Variants in PCDHGB3 observed in about 807,000 individuals in gnomAD.
PCDHGB3 encodes protocadherin gamma-B3.
PCDHGB3 carries 40 observed loss-of-function variants against 59.2 expected under a neutral mutation model. The observed-to-expected ratio is 0.68, with a 90% confidence interval of 0.52 to 0.88. PCDHGB3 has a LOEUF of 0.88. Among genes scored for constraint, PCDHGB3 ranks in the 40% least tolerant of loss-of-function variants. PCDHGB3 has a pLI of 0.00. For missense variants in PCDHGB3, 1,309 were observed against 1,187.9 expected (o/e 1.10, Z -1.50); for synonymous variants, 581 against 503.6 (o/e 1.15, Z -2.06).
At chr5:141,399,609 T>C in intron 1 of PCDHGB3, 2 of 1,613,918 alleles carry the variant, frequency 1.2e-6, no homozygotes, top group Non-Finnish European at 1.7e-6. Flanking sequence ...ACCTAGAGCC[T>C]CTGGCACTGG....
chr5:141,390,404 G>T, intron 1 of PCDHGB3: 1 of 1,262,098 alleles, frequency 7.9e-7, no homozygotes. Flanking sequence ...TTTTAGGAAA[G>T]TTGTAGTCAG....
Position 141,476,658 on chromosome 5 carries a change from C to A in PCDHGB3, c.2416-18149C>A, listed in dbSNP as rs182518072. On this transcript the variant is annotated intron_variant, in intron 1 of 3. Transcript: ENST00000576222. The surrounding 1 kb of genome is among the most constrained non-coding windows in gnomAD (Gnocchi z 7.6). ...GAGCTGAGCCGAAATGAATACTTTGCGCTTCGCGTGCAGACGCGGGAGGAC... is the reference window on the plus strand; with the variant it reads ...GAGCTGAGCCGAAATGAATACTTTGAGCTTCGCGTGCAGACGCGGGAGGAC... 2 of 1,614,244 alleles carry A rather than the reference C, an allele frequency of 1.2e-6. No homozygotes were observed. The highest frequency in any genetic ancestry group is 2.2e-5 in the East Asian group (1 of 44,878).
At chr5:141,399,915 C>T in intron 1 of PCDHGB3, 1 of 1,612,364 alleles carries the variant, frequency 6.2e-7, no homozygotes, top group Non-Finnish European at 8.5e-7. Flanking sequence ...ACTCAGGACA[C>T]AACGCCTGGC....
chr5:141,419,419 C>A (rs767018815), intron 1 of PCDHGB3: 1 of 1,613,384 alleles, frequency 6.2e-7, no homozygotes. Context: ...AGCGCGCCTT[C>A]GACCACGAGC....
intron 1 of PCDHGB3, chr5:141,433,338 T>G (rs2097583623): frequency 3.1e-6 from 2 of 651,932 alleles, no homozygotes; most frequent in South Asian, 4.0e-5. Context: ...GGACTACAGG[T>G]GCAAGCCACC....
At chr5:141,374,527 A>T (rs1429830664) in intron 1 of PCDHGB3, 7 of 1,613,074 alleles carry the variant, frequency 4.3e-6, no homozygotes, top group Non-Finnish European at 5.9e-6. Flanking sequence ...ACGCAGCTCC[A>T]TCCTCTCGTT....
intron 1 of PCDHGB3, among the ~76,000 whole-genome samples, chr5:141,449,339 G>T (rs1307731679): frequency 6.6e-6 from 1 of 151,930 alleles, no homozygotes; most frequent in Non-Finnish European, 1.5e-5. Context: ...AGGTGCAGTG[G>T]CTCACTCCTG....
At chr5:141,446,295 G>A (rs146503397) in intron 1 of PCDHGB3, among the ~76,000 whole-genome samples, 1 of 152,196 alleles carries the variant, frequency 6.6e-6, no homozygotes, top group Non-Finnish European at 1.5e-5. Flanking sequence ...TGGGGAGCAG[G>A]GATTAAGAGT....
intron 1 of PCDHGB3, chr5:141,393,842 T>A (rs1010461527): frequency 1.2e-6 from 2 of 1,613,830 alleles, no homozygotes; most frequent in African/African-American, 2.7e-5. Flanking sequence ...TAAATGACAA[T>A]AGACCAGAAG....
intron 1 of PCDHGB3, chr5:141,394,500 C>A (rs1450931785): frequency 3.7e-6 from 6 of 1,614,124 alleles, no homozygotes; most frequent in Non-Finnish European, 5.1e-6. Context: ...GCCCGAGATC[C>A]TGTACCCCGC....
Position 141,490,004 on chromosome 5 carries a change from C to T in PCDHGB3, c.2416-4803C>T. On this transcript the variant is annotated intron_variant, in intron 1 of 3. Coordinates refer to ENST00000576222, the MANE Select transcript of PCDHGB3 (RefSeq NM_018924.5). This position sits in a 1 kb window ranked among gnomAD's most constrained non-coding sequence, Gnocchi z 5.4. ...CTACGTGTGGGAATCCCAGAGAATG[C>T]ACCCATTGGTACTCTGCTGCTCCGC... The T allele has an allele frequency of 1.9e-6, 3 of 1,614,174 alleles. No individual in the cohort carries two copies. Among genetic ancestry groups the T allele is most frequent in the Non-Finnish European group, 2.5e-6 (3 of 1,179,980 alleles).
rs2099727742 is a variant in PCDHGB3 at position 141,491,740 on chromosome 5, G to C, written c.2416-3067G>C. On this transcript the variant is annotated intron_variant, in intron 1 of 3. Coordinates refer to ENST00000576222, the MANE Select transcript of PCDHGB3 (RefSeq NM_018924.5). The surrounding 1 kb of genome is among the most constrained non-coding windows in gnomAD (Gnocchi z 6.9). Reference sequence around the variant, plus strand: ...GCCGCCCCGGGCGACCCCTGGGGGCGGCACTGGAGAAGCCGCCCGTCCTCA... The same window carrying C: ...GCCGCCCCGGGCGACCCCTGGGGGCCGCACTGGAGAAGCCGCCCGTCCTCA... The C allele has an allele frequency of 6.3e-7, 1 of 1,597,622 alleles. No homozygotes were observed. The highest frequency in any genetic ancestry group is 8.5e-7 in the Non-Finnish European group (1 of 1,173,228).
chr5:141,410,419 TC>T (rs769125626), intron 1 of PCDHGB3: 1 of 1,613,886 alleles, frequency 6.2e-7, no homozygotes, highest in South Asian at 1.1e-5. Flanking sequence ...GACCTGTAGT[TC>T]CCCCCAACTA....
At chr5:141,442,049 C>A in intron 1 of PCDHGB3, 2 of 202,550 alleles carry the variant, frequency 9.9e-6, no homozygotes, top group South Asian at 1.3e-4. Flanking sequence ...GCCTACTGGT[C>A]GCGGTGCACT....
At chr5:141,495,400 C>T (rs554849650) in intron 2 of PCDHGB3, among the ~76,000 whole-genome samples, 4 of 152,278 alleles carry the variant, frequency 2.6e-5, no homozygotes, top group Non-Finnish European at 1.5e-5. Flanking sequence ...ATGGAGCAGG[C>T]CCCCTTCTCC....
chr5:141,422,919 G>C (rs1445179310), intron 1 of PCDHGB3: 9 of 1,614,120 alleles, frequency 5.6e-6, no homozygotes, highest in Non-Finnish European at 6.8e-6. Context: ...CCGAGATCCT[G>C]TACCCTGCCC....
At position 141,486,135 on chromosome 5, in the gene PCDHGB3, G is replaced by A. The variant is rs145871538; in HGVS notation, c.2416-8672G>A. ...GAGAATTACTATGAATTTGATGTGC[G>A]GGCTCGCGATGGGGGTTCTCCAGCC... On this transcript the variant is annotated intron_variant, in intron 1 of 3. Transcript: ENST00000576222. This position sits in a 1 kb window ranked among gnomAD's most constrained non-coding sequence, Gnocchi z 5.0. The A allele has an allele frequency of 1.9e-6, 3 of 1,614,168 alleles. No homozygotes were observed. Among genetic ancestry groups the A allele is most frequent in the Non-Finnish European group, 2.5e-6 (3 of 1,180,022 alleles).
In PCDHGB3 at chr5:141,371,368, G is replaced by A; in HGVS notation, c.974G>A (p.Gly325Glu). The stretch of plus-strand genomic sequence containing the variant: ...ATTGGGGTGGAAGCAAAGGATGGTG[G>A]ACATCACACTGCATATTGTAAAGTA... ...YTIGVEAKDG[G>E]HHTAYCKVQI... The change falls in exon 1 of 4, where the codon GGA becomes GAA. Residue 325 changes from glycine (G) to glutamate (E), a missense_variant. Physicochemically the swap from Gly to Glu is moderately conservative, Grantham distance 98 (BLOSUM62 -2). Transcript: ENST00000576222. 1 of 1,613,970 alleles carries A rather than the reference G, an allele frequency of 6.2e-7. No individual in the cohort carries two copies. Among genetic ancestry groups the A allele is most frequent in the South Asian group, 1.1e-5 (1 of 91,084 alleles).
intron 2 of PCDHGB3, among the ~76,000 whole-genome samples, chr5:141,498,971 G>GGGAAGGAA (rs201769957): frequency 0.022 from 2,449 of 111,032 alleles, 52 homozygotes; most frequent in African/African-American, 0.046. Flanking sequence ...GAGGGAGGGA[G>GGGAAGGAA]GGAAGGAAGG....
Sources: gnomAD v4.1 joint callset for allele counts (sites outside exome capture counted in the v4.1 genomes callset) on GRCh38, gnomAD v4.1.1 for gene constraint, Gnocchi (gnomAD v3.1) non-coding constraint, MANE v1.5 for transcripts, NCBI Gene and HGNC (gene_info 2026-07-23, HGNC 2026-07-21) for gene names.